DUSP11: variants seen among roughly 807,000 people sequenced by gnomAD.
DUSP11 encodes the protein RNA/RNP complex-1-interacting phosphatase.
DUSP11 carries 27 observed loss-of-function variants against 41.4 expected under a neutral mutation model. The observed-to-expected ratio is 0.65, with a 90% CI of 0.48 to 0.90. The LOEUF is 0.90. Among genes scored for constraint, DUSP11 ranks in the 40% least tolerant of loss-of-function variants. The pLI, the probability that DUSP11 is intolerant of heterozygous loss-of-function variation, is 0.00. For missense variants in DUSP11, 465 were observed against 461.1 expected, an observed-to-expected ratio of 1.01 and a Z score of -0.08; for synonymous variants, 188 against 159.3, an observed-to-expected ratio of 1.18 and a Z score of -1.35.
At chr2:73,777,971 T>C (rs1672715263) in intron 2 of DUSP11, among the ~76,000 whole-genome samples, 1 of 152,184 alleles carries the variant, frequency 6.6e-6, no homozygotes, top group Admixed American at 6.5e-5. Context: ...CAGTCTACAT[T>C]TGTAATTCTT....
rs771651765 is a variant in DUSP11, at chr2:73,779,997, C to T, written c.119G>A (p.Gly40Asp). 3 of 1,614,234 alleles carry T rather than the reference C, an allele frequency of 1.9e-6. No individual in the cohort carries two copies. The highest frequency in any genetic ancestry group is 1.1e-5 in the South Asian group (1 of 91,092). ...CATGTGGGTCCCAAGAAGCCGCCCA[C>T]CCAATGCCAAGTCGGCCAAAAGCGC... The change falls in exon 1 of 9, where the codon GGT (glycine) becomes GAT (aspartate). Residue 40 changes from glycine (G) to aspartate (D), a missense_variant. Physicochemically the swap from Gly to Asp is moderately conservative, Grantham distance 94. It adds an upstream start codon to the 5' untranslated region. Coordinates refer to ENST00000272444, the Ensembl canonical transcript of DUSP11.
intron 5 of DUSP11, 74 bp downstream of exon 5, chr2:73,769,191 T>G: frequency 7.4e-7 from 1 of 1,345,488 alleles, no homozygotes; most frequent in South Asian, 1.2e-5. Context: ...GTTCCATTTT[T>G]TACAACCTTA....
chr2:73,769,428 TC>T, intron 4 of DUSP11, 103 bp from the exon 5 acceptor site: 1 of 862,534 alleles, frequency 1.2e-6, no homozygotes, highest in Non-Finnish European at 1.8e-6. Context: ...AATTGTTTTT[TC>T]TAGGAACATA....
In DUSP11 at chr2:73,775,370, C is replaced by CTTT. The variant is rs60660160; in HGVS notation, c.319-329_319-327dup. Among the ~76,000 whole-genome samples, 12 of 127,366 alleles carry CTTT rather than the reference C, an allele frequency of 9.4e-5. No individual in the cohort carries two copies. In the South Asian group the frequency reaches 1.8e-3, roughly 19 times the overall value. 83.6% of individuals were successfully genotyped at this position (127,366 alleles called of 152,430 possible). A position where few individuals can be genotyped will look rare whatever the true frequency, so the allele number is the denominator to read the frequency against. On this transcript the variant is annotated intron_variant, in intron 2 of 8. Transcript: ENST00000272444. ...TTTAGTGCTTATAAATATTTCTTTT[C>CTTT]TTTTTTTTTTTTTTTTTTTGAAACA... is the stretch of plus-strand genomic sequence containing the variant.
chr2:73,769,392 C>T, intron 4 of DUSP11, 67 bp from the exon 5 acceptor site: 2 of 1,118,910 alleles, frequency 1.8e-6, no homozygotes, highest in Admixed American at 2.0e-5. Flanking sequence ...TTATCACTGC[C>T]CTGAAAATGA....
rs151046504 is a variant in DUSP11 at position 73,763,648 on chromosome 2, G to A, written c.936-789C>T. ...TGAGGCAGGAGAATCATTTGAAACC[G>A]GGAGGTGGAGGTTGCGGTGAGCTGA... On this transcript the variant is annotated intron_variant, in intron 8 of 8. Transcript: ENST00000272444. Among the ~76,000 whole-genome samples the A allele has an allele frequency of 1.6e-3, 238 of 152,168 alleles. 3 individuals carry two copies. The East Asian group carries it at 0.034, about 22-fold the overall frequency.
intron 2 of DUSP11, among the ~76,000 whole-genome samples, chr2:73,776,635 A>C (rs1004934763): frequency 6.6e-6 from 1 of 152,126 alleles, no homozygotes; most frequent in Non-Finnish European, 1.5e-5. Flanking sequence ...GGTATGCGTG[A>C]TTCATTCTAT....
intron 8 of DUSP11, among the ~76,000 whole-genome samples, chr2:73,764,884 T>A (rs1672428271): frequency 1.3e-5 from 2 of 152,058 alleles, no homozygotes; most frequent in African/African-American, 4.8e-5. Flanking sequence ...GAGAACTGCT[T>A]GAACCTGGGA....
intron 2 of DUSP11, among the ~76,000 whole-genome samples, chr2:73,775,638 A>G (rs1399326108): frequency 7.4e-5 from 11 of 149,474 alleles, no homozygotes; most frequent in Non-Finnish European, 1.2e-4. Context: ...GGAGGATCAC[A>G]AGGTCAGGAG....
chr2:73,780,004 C>A (rs772849857), exon 1 of DUSP11: 5 of 1,614,216 alleles, frequency 3.1e-6, no homozygotes, highest in Non-Finnish European at 4.2e-6. Flanking sequence ...CCACCCAATG[C>A]CAAGTCGGCC....
chr2:73,765,909 G>A (rs141318833), intron 8 of DUSP11, among the ~76,000 whole-genome samples: 49 of 152,210 alleles, frequency 3.2e-4, no homozygotes, highest in African/African-American at 1.1e-3. Context: ...GTCCCTTTCC[G>A]AATTGCCTCT....
intron 5 of DUSP11, chr2:73,768,640 A>C: frequency 1.0e-6 from 1 of 985,420 alleles, no homozygotes; most frequent in Non-Finnish European, 1.2e-6. Context: ...CGGTGTGCAA[A>C]GAACAACGCA....
At chr2:73,775,370 CTTT>C (rs60660160) in intron 2 of DUSP11, among the ~76,000 whole-genome samples, 24 of 127,358 alleles carry the variant, frequency 1.9e-4, no homozygotes, top group Non-Finnish European at 3.4e-4. Context: ...TATTTCTTTT[CTTT>C]TTTTTTTTTT....
intron 2 of DUSP11, among the ~76,000 whole-genome samples, chr2:73,776,743 C>A (rs1019644938): frequency 4.6e-5 from 7 of 152,074 alleles, no homozygotes; most frequent in African/African-American, 1.7e-4. Flanking sequence ...CTTTTCTGAG[C>A]CTGTTTGATT....
intron 8 of DUSP11, among the ~76,000 whole-genome samples, chr2:73,764,547 T>A (rs150279021): frequency 1.3e-5 from 2 of 152,142 alleles, no homozygotes; most frequent in African/African-American, 2.4e-5. Context: ...ATCTGACTAA[T>A]GGGAAAAATG....
chr2:73,779,704 T>TCGCCCCTTTCAG, intron 1 of DUSP11, 170 bp downstream of exon 1: 1 of 964,960 alleles, frequency 1.0e-6, no homozygotes, highest in South Asian at 1.7e-5. Context: ...ATCACAGACA[T>TCGCCCCTTTCAG]CGCCCCTTTC....
Position 73,767,248 on chromosome 2 carries a change from GA to G in DUSP11, c.636-42del, listed in dbSNP as rs763086609. The G allele has an allele frequency of 1.6e-5, 25 of 1,528,166 alleles. No homozygotes were observed. In the East Asian group the frequency reaches 4.8e-4, roughly 30 times the overall value. The allele number at this position is 1,528,166 out of a possible 1,614,324, so 94.7% of individuals were successfully genotyped here. ...AATTTGGGTCATTTATATACGAAAA[GA>G]AAAAAATCAAGTTTTTTCAAAAAAG... On this transcript the variant is annotated intron_variant, in intron 5 of 8. Coordinates refer to ENST00000272444, the Ensembl canonical transcript of DUSP11.
chr2:73,767,573 T>C (rs909732165), intron 5 of DUSP11: 15 of 166,170 alleles, frequency 9.0e-5, no homozygotes, highest in East Asian at 8.4e-4. Flanking sequence ...AAAAGACAAA[T>C]TGGGAAAAAT....
At chr2:73,773,688 C>G in intron 4 of DUSP11, 112 bp downstream of exon 4, 5 of 1,109,220 alleles carry the variant, frequency 4.5e-6, no homozygotes, top group Non-Finnish European at 6.4e-6. Context: ...ATTTTCATCA[C>G]CTTAGCATCA....
Sources: allele counts gnomAD v4.1 joint callset (sites outside exome capture counted in the v4.1 genomes callset), GRCh38; gene constraint gnomAD v4.1.1; transcripts MANE v1.5; gene names NCBI Gene and HGNC (gene_info 2026-07-23, HGNC 2026-07-21).